Variants in PRRG4 observed in about 807,000 individuals in gnomAD.
PRRG4 encodes the protein proline rich and Gla domain 4.
In PRRG4, 12 loss-of-function variants were observed where a neutral mutation model predicts 20.0. That is an observed-to-expected ratio of 0.60 (90% CI 0.38 to 0.97). The LOEUF is 0.97. Among genes scored for constraint, PRRG4 ranks in the 50% least tolerant of loss-of-function variants. The probability of loss-of-function intolerance (pLI) is 0.00; values close to 1 mark genes in which losing one functional copy is unlikely to be tolerated. For missense variants in PRRG4, 199 were observed against 265.1 expected (o/e 0.75, Z 1.73); for synonymous variants, 94 against 96.4 (o/e 0.98, Z 0.15).
intron 5 of PRRG4, among the ~76,000 whole-genome samples, chr11:32,852,811 C>G (rs1158625946): frequency 1.3e-5 from 2 of 149,084 alleles, no homozygotes; most frequent in African/African-American, 5.0e-5. Flanking sequence ...CTCTCTCTGT[C>G]CCCCGAGGCT....
At chr11:32,832,254 ATCT>A (rs1850979436) in intron 2 of PRRG4, among the ~76,000 whole-genome samples, 1 of 152,166 alleles carries the variant, frequency 6.6e-6, no homozygotes, top group Non-Finnish European at 1.5e-5. Flanking sequence ...CCTGGAGGAC[ATCT>A]TCATCTGTGT....
At chr11:32,843,603 T>C (rs1355731957) in intron 5 of PRRG4, among the ~76,000 whole-genome samples, 1 of 152,150 alleles carries the variant, frequency 6.6e-6, no homozygotes, top group African/African-American at 2.4e-5. Context: ...ATATTTCCAG[T>C]GCAGTACATT....
At position 32,836,645 on chromosome 11, in the gene PRRG4, A is replaced by G; in HGVS notation, c.104-13A>G. ...TTTGATCAATGTTTAAGTCTTTTTC[A>G]TTACTTTATTAGTGTTTACATCAAA... On this transcript the variant is annotated splice_polypyrimidine_tract_variant and intron_variant, in intron 2 of 5. Coordinates refer to ENST00000257836, the MANE Select transcript of PRRG4 (RefSeq NM_024081.6). The G allele has an allele frequency of 6.9e-7, 1 of 1,456,204 alleles. No homozygotes were observed. The highest frequency in any genetic ancestry group is 9.5e-7 in the Non-Finnish European group (1 of 1,057,264). 90.2% of individuals were successfully genotyped at this position (1,456,204 alleles called of 1,614,324 possible). A position where few individuals can be genotyped will look rare whatever the true frequency, so the allele number is the denominator to read the frequency against.
chr11:32,848,673 A>AT (rs1851152331), intron 5 of PRRG4, among the ~76,000 whole-genome samples: 1 of 151,948 alleles, frequency 6.6e-6, no homozygotes, highest in South Asian at 2.1e-4. Context: ...AAACAAAAAA[A>AT]GAAAGGGTAA....
intron 2 of PRRG4, among the ~76,000 whole-genome samples, chr11:32,831,743 C>T (rs147904551): frequency 8.5e-5 from 13 of 152,202 alleles, no homozygotes; most frequent in Non-Finnish European, 1.3e-4. Flanking sequence ...ACACTCTCGC[C>T]GGCACGGTGG....
chr11:32,839,247 CT>C (rs1187602147), intron 4 of PRRG4, among the ~76,000 whole-genome samples: 1 of 152,168 alleles, frequency 6.6e-6, no homozygotes, highest in Non-Finnish European at 1.5e-5. Flanking sequence ...GCTATTTTAA[CT>C]TTTTTTCTTT....
At chr11:32,849,980 A>T (rs1333341815) in intron 5 of PRRG4, among the ~76,000 whole-genome samples, 1 of 152,252 alleles carries the variant, frequency 6.6e-6, no homozygotes, top group East Asian at 1.9e-4. Flanking sequence ...ACAGGAAATG[A>T]GCAAGGTCTT....
chr11:32,848,141 G>GA (rs1350069708), intron 5 of PRRG4, among the ~76,000 whole-genome samples: 1 of 152,188 alleles, frequency 6.6e-6, no homozygotes, highest in Non-Finnish European at 1.5e-5. Context: ...GTCTCATAAG[G>GA]ACCCAGTCTC....
At chr11:32,849,450 G>A (rs996622709) in intron 5 of PRRG4, among the ~76,000 whole-genome samples, 15 of 152,042 alleles carry the variant, frequency 9.9e-5, no homozygotes, top group African/African-American at 3.6e-4. Flanking sequence ...AGATCACGAG[G>A]TCAGGAGTTC....
At chr11:32,842,841 T>G (rs1190592894) in intron 5 of PRRG4, among the ~76,000 whole-genome samples, 1 of 152,186 alleles carries the variant, frequency 6.6e-6, no homozygotes, top group African/African-American at 2.4e-5. Context: ...TATTTTCTCT[T>G]GAAGAAAGTG....
chr11:32,849,394 G>A (rs528986585), intron 5 of PRRG4, among the ~76,000 whole-genome samples: 1 of 152,196 alleles, frequency 6.6e-6, no homozygotes, highest in Non-Finnish European at 1.5e-5. Flanking sequence ...GCCGGGCATG[G>A]TGGCTCATGC....
At position 32,830,152 on chromosome 11, in the gene PRRG4, G is replaced by A; in HGVS notation, c.-44G>A. On this transcript the variant is annotated 5_prime_UTR_variant, in exon 1 of 6. Transcript: ENST00000257836. ...AGAGCCTCTGGCCCGGGGGCTGCTG[G>A]AACATGTGCGGGGGGACACAGGTAC... The A allele has an allele frequency of 9.9e-7, 1 of 1,014,838 alleles. No individual in the cohort carries two copies. The highest frequency in any genetic ancestry group is 1.2e-6 in the Non-Finnish European group (1 of 849,972). 62.9% of individuals were successfully genotyped at this position (1,014,838 alleles called of 1,614,324 possible). A position where few individuals can be genotyped will look rare whatever the true frequency, so the allele number is the denominator to read the frequency against.
At chr11:32,845,479 A>T (rs201534642) in intron 5 of PRRG4, among the ~76,000 whole-genome samples, 43 of 152,252 alleles carry the variant, frequency 2.8e-4, no homozygotes, top group Middle Eastern at 3.4e-3. Flanking sequence ...AAAATAAAAA[A>T]AAATCAGCCG....
At position 32,856,436 on chromosome 11, in the gene PRRG4, A is replaced by T. The variant is rs1002924300; in HGVS notation, c.*2909A>T. 2 of 152,354 alleles carry T rather than the reference A, an allele frequency of 1.3e-5. No homozygotes were observed. The highest frequency in any genetic ancestry group is 2.9e-5 in the Non-Finnish European group (2 of 68,032). 9.4% of individuals were successfully genotyped at this position (152,354 alleles called of 1,614,324 possible). A position where few individuals can be genotyped will look rare whatever the true frequency, so the allele number is the denominator to read the frequency against. ...AATATGATAGAACTGTTATTGACAA[A>T]TGCTTATAATGATTGAAGGGAAAGT... On this transcript the variant is annotated 3_prime_UTR_variant, in exon 6 of 6. Transcript: ENST00000257836.
At chr11:32,836,499 C>T (rs1009214839) in intron 2 of PRRG4, among the ~76,000 whole-genome samples, 159 bp from the exon 3 acceptor site, 1 of 152,140 alleles carries the variant, frequency 6.6e-6, no homozygotes, top group Non-Finnish European at 1.5e-5. Flanking sequence ...TTCACTGATG[C>T]TTTTTCTTTC....
chr11:32,843,761 G>T (rs1177040789), intron 5 of PRRG4, among the ~76,000 whole-genome samples: 1 of 148,488 alleles, frequency 6.7e-6, no homozygotes. Flanking sequence ...CAACAGTGAA[G>T]TTCTGTGCCC....
Position 32,853,733 on chromosome 11 carries a change from C to G in PRRG4, c.*206C>G. On this transcript the variant is annotated 3_prime_UTR_variant, in exon 6 of 6. Coordinates refer to ENST00000257836, the MANE Select transcript of PRRG4 (RefSeq NM_024081.6). ...GTCCCACCTACTTGGGAGGCTGAAGCAGGAGAATTGCTCGAACCTGGGAGG... is the reference window on the plus strand; with the variant it reads ...GTCCCACCTACTTGGGAGGCTGAAGGAGGAGAATTGCTCGAACCTGGGAGG... 4 of 501,282 alleles carry G rather than the reference C, an allele frequency of 8.0e-6. No individual in the cohort carries two copies. The East Asian group carries it at 1.4e-4, about 18-fold the overall frequency. The allele number at this position is 501,282 out of a possible 1,614,324, so 31.1% of individuals were successfully genotyped here. A position where few individuals can be genotyped will look rare whatever the true frequency, so the allele number is the denominator to read the frequency against.
At chr11:32,830,365 C>G (rs1408312562) in intron 1 of PRRG4, 143 bp from the exon 2 acceptor site, 1 of 838,036 alleles carries the variant, frequency 1.2e-6, no homozygotes, top group Admixed American at 3.8e-5. Context: ...GGGCGCGCGT[C>G]GGGTTCCGGC....
rs1041717180 is a variant in PRRG4 at position 32,855,148 on chromosome 11, A to G, written c.*1621A>G. The G allele has an allele frequency of 9.2e-5, 14 of 152,180 alleles. No homozygotes were observed. The highest frequency in any genetic ancestry group is 1.5e-4 in the Non-Finnish European group (10 of 68,016). The allele number at this position is 152,180 out of a possible 1,614,324, so 9.4% of individuals were successfully genotyped here. On this transcript the variant is annotated 3_prime_UTR_variant, in exon 6 of 6. Coordinates refer to ENST00000257836, the MANE Select transcript of PRRG4 (RefSeq NM_024081.6). Reference sequence around the variant, plus strand: ...GCATCTCTTAATATGTCTGAACACAAAAGGAAAACACCATAATCATATAAA... The same window carrying G: ...GCATCTCTTAATATGTCTGAACACAGAAGGAAAACACCATAATCATATAAA...
Sources: allele counts gnomAD v4.1 joint callset (sites outside exome capture counted in the v4.1 genomes callset), GRCh38; gene constraint gnomAD v4.1.1; transcripts MANE v1.5; gene names NCBI Gene and HGNC (gene_info 2026-07-23, HGNC 2026-07-21).